The following MFSD6 variants were observed in gnomAD, a reference collection of about 807,000 sequenced individuals.
MFSD6 encodes major facilitator superfamily domain containing 6.
In MFSD6, 26 loss-of-function variants were observed where a neutral mutation model predicts 56.3. The ratio of observed to expected loss-of-function variants is 0.46; its 90% CI spans 0.34 to 0.64. MFSD6 has a LOEUF of 0.64. Ranked by LOEUF, MFSD6 falls within the 30% of genes least tolerant of loss-of-function variation. The pLI, the probability that MFSD6 is intolerant of heterozygous loss-of-function variation, is 0.01. For missense variants in MFSD6, 750 were observed against 986.2 expected (o/e 0.76, Z 3.21); for synonymous variants, 331 against 366.9 (o/e 0.90, Z 1.12).
At position 190,465,042 on chromosome 2, in the gene MFSD6, G is replaced by GA. The variant is rs1238448577; in HGVS notation, c.1533-4709dup. The GA allele has an allele frequency of 6.9e-6, 3 of 435,482 alleles. No homozygotes were observed. The highest frequency in any genetic ancestry group is 9.2e-6 in the Non-Finnish European group (3 of 326,570). 27.0% of individuals were successfully genotyped at this position (435,482 alleles called of 1,614,324 possible). A position where few individuals can be genotyped will look rare whatever the true frequency, so the allele number is the denominator to read the frequency against. ...TTGTATCTATATCTTGAACACTCTTGAAAAAAATACCAGTTTTATTATAAG... is the reference window on the plus strand; with the variant it reads ...TTGTATCTATATCTTGAACACTCTTGAAAAAAAATACCAGTTTTATTATAAG... On this transcript the variant is annotated intron_variant, in intron 3 of 7. Transcript: ENST00000392328. This position sits in a 1 kb window ranked among gnomAD's most constrained non-coding sequence, Gnocchi z 4.6.
Position 190,443,491 on chromosome 2 carries a change from C to T in MFSD6, c.1532+5930C>T, listed in dbSNP as rs1315046742. Among the ~76,000 whole-genome samples, 1 of 152,158 alleles carries T rather than the reference C, an allele frequency of 6.6e-6. No homozygotes were observed. The highest frequency in any genetic ancestry group is 1.5e-5 in the Non-Finnish European group (1 of 68,030). On this transcript the variant is annotated intron_variant, in intron 3 of 7. Coordinates refer to ENST00000392328, the MANE Select transcript of MFSD6 (RefSeq NM_017694.4). This position sits in a 1 kb window ranked among gnomAD's most constrained non-coding sequence, Gnocchi z 4.2. ...TGATATATTATGCTGTTTATAACTA[C>T]AAGACCCATTGAAGTTGATAAAAAT...
At chr2:190,470,230 GA>G (rs1405574722) in intron 4 of MFSD6, among the ~76,000 whole-genome samples, 2 of 152,212 alleles carry the variant, frequency 1.3e-5, no homozygotes, top group East Asian at 1.9e-4. Flanking sequence ...TATAGTTACT[GA>G]AAAAAAGATT....
At chr2:190,414,909 G>A (rs1329239905) in intron 1 of MFSD6, among the ~76,000 whole-genome samples, 3 of 152,100 alleles carry the variant, frequency 2.0e-5, no homozygotes, top group Non-Finnish European at 2.9e-5. Flanking sequence ...AATATAAACT[G>A]TACTATATCG....
Position 190,499,365 on chromosome 2 carries a change from T to C in MFSD6, c.2173-650T>C, listed in dbSNP as rs1297417208. Among the ~76,000 whole-genome samples, 2 of 152,194 alleles carry C rather than the reference T, an allele frequency of 1.3e-5. No individual in the cohort carries two copies. The highest frequency in any genetic ancestry group is 4.8e-5 in the African/African-American group (2 of 41,454). On this transcript the variant is annotated intron_variant, in intron 7 of 7. Transcript: ENST00000392328. This position sits in a 1 kb window ranked among gnomAD's most constrained non-coding sequence, Gnocchi z 6.0. ...GGGAGAATCCATTTAAATTTTTTTT[T>C]ATTTGTACAACCAATATGGCATTTA...
In MFSD6 at chr2:190,502,162, G is replaced by T. The variant is rs775697044; in HGVS notation, c.*1944G>T. 2 of 152,218 alleles carry T rather than the reference G, an allele frequency of 1.3e-5. No individual in the cohort carries two copies. Among genetic ancestry groups the T allele is most frequent in the Non-Finnish European group, 2.9e-5 (2 of 68,032 alleles). 9.4% of individuals were successfully genotyped at this position (152,218 alleles called of 1,614,324 possible). A position where few individuals can be genotyped will look rare whatever the true frequency, so the allele number is the denominator to read the frequency against. ...CCAAATTCAACATGCCTTTGTTATG[G>T]AACATTTACTGTGACAGCAGAATCG... On this transcript the variant is annotated 3_prime_UTR_variant, in exon 8 of 8. Coordinates refer to ENST00000392328, the MANE Select transcript of MFSD6 (RefSeq NM_017694.4). This position sits in a 1 kb window ranked among gnomAD's most constrained non-coding sequence, Gnocchi z 4.4.
In MFSD6 at chr2:190,471,129, T is replaced by C. The variant is rs986917171; in HGVS notation, c.1630+1274T>C. ...GGAGGGTGGAGCCAAGATGGCCGAA[T>C]AGGAACAGCTCCAGTCTACAGGTCT... On this transcript the variant is annotated intron_variant, in intron 4 of 7. Transcript: ENST00000392328. The surrounding 1 kb of genome is among the most constrained non-coding windows in gnomAD (Gnocchi z 4.7). Among the ~76,000 whole-genome samples the C allele has an allele frequency of 2.6e-5, 4 of 152,160 alleles. No individual in the cohort carries two copies. Among genetic ancestry groups the C allele is most frequent in the Non-Finnish European group, 4.4e-5 (3 of 68,030 alleles).
At position 190,500,895 on chromosome 2, in the gene MFSD6, G is replaced by C. The variant is rs1689992463; in HGVS notation, c.*677G>C. On this transcript the variant is annotated 3_prime_UTR_variant, in exon 8 of 8. Transcript: ENST00000392328. The surrounding 1 kb of genome is among the most constrained non-coding windows in gnomAD (Gnocchi z 5.3). ...CAGAAGCTATTATTAACTACTGCAA[G>C]CTAAGCCGAGCTTAAAAATGCCTTT... is the stretch of plus-strand genomic sequence containing the variant. 1 of 152,160 alleles carries C rather than the reference G, an allele frequency of 6.6e-6. No individual in the cohort carries two copies. The highest frequency in any genetic ancestry group is 2.4e-5 in the African/African-American group (1 of 41,444). 9.4% of individuals were successfully genotyped at this position (152,160 alleles called of 1,614,324 possible).
At chr2:190,470,436 G>T (rs557469780) in intron 4 of MFSD6, among the ~76,000 whole-genome samples, 1 of 152,118 alleles carries the variant, frequency 6.6e-6, no homozygotes, top group Admixed American at 6.5e-5. Flanking sequence ...GAAGGCTCTT[G>T]TCATGTAGCT....
Position 190,410,889 on chromosome 2 carries a change from G to A in MFSD6, c.-176+2386G>A, listed in dbSNP as rs1362203246. Among the ~76,000 whole-genome samples, 1 of 151,764 alleles carries A rather than the reference G, an allele frequency of 6.6e-6. No homozygotes were observed. Among genetic ancestry groups the A allele is most frequent in the Non-Finnish European group, 1.5e-5 (1 of 67,940 alleles). On this transcript the variant is annotated intron_variant, in intron 1 of 7. Transcript: ENST00000392328. The surrounding 1 kb of genome is among the most constrained non-coding windows in gnomAD (Gnocchi z 4.4). ...TGGCCAAGATGGTGAAATCCCACCT[G>A]TAATAAAAATACAAAAATTAGCTGA...
rs377197991 is a variant in MFSD6 at position 190,496,683 on chromosome 2, T to TAC, written c.1892-744_1892-743dup. Among the ~76,000 whole-genome samples the TAC allele has an allele frequency of 3.2e-4, 48 of 151,790 alleles. No individual in the cohort carries two copies. The highest frequency in any genetic ancestry group is 1.7e-3 in the South Asian group (8 of 4,810). On this transcript the variant is annotated intron_variant, in intron 6 of 7. Coordinates refer to ENST00000392328, the MANE Select transcript of MFSD6 (RefSeq NM_017694.4). The surrounding 1 kb of genome is among the most constrained non-coding windows in gnomAD (Gnocchi z 4.7). The stretch of plus-strand genomic sequence containing the variant: ...ATGTGTGTGTATGTGTGTGTGTATA[T>TAC]ACACACACACACATATACATACATA...
rs1687556479 is a variant in MFSD6 at position 190,465,489 on chromosome 2, GTAATCTTATGTA to G, written c.1533-4256_1533-4245del. Among the ~76,000 whole-genome samples the G allele has an allele frequency of 2.0e-5, 3 of 151,760 alleles. No individual in the cohort carries two copies. Among genetic ancestry groups the G allele is most frequent in the Admixed American group, 6.6e-5 (1 of 15,232 alleles). On this transcript the variant is annotated intron_variant, in intron 3 of 7. Coordinates refer to ENST00000392328, the MANE Select transcript of MFSD6 (RefSeq NM_017694.4). The surrounding 1 kb of genome is among the most constrained non-coding windows in gnomAD (Gnocchi z 4.6). ...CCATAAGATTACTGATTATACATCAGTAATCTTATGTATAATCTTATGTAAAAAAATTCTAGG... is the reference window on the plus strand; with the variant it reads ...CCATAAGATTACTGATTATACATCAGTAATCTTATGTAAAAAAATTCTAGG...
Position 190,459,908 on chromosome 2 carries a change from C to G in MFSD6, c.1533-9850C>G, listed in dbSNP as rs1453699565. Reference sequence around the variant, plus strand: ...AGCTAAATATTATTTCTAATTCACTCTCTGACATACAATGTGATTCTTATG... The same window carrying G: ...AGCTAAATATTATTTCTAATTCACTGTCTGACATACAATGTGATTCTTATG... On this transcript the variant is annotated intron_variant, in intron 3 of 7. Transcript: ENST00000392328. The surrounding 1 kb of genome is among the most constrained non-coding windows in gnomAD (Gnocchi z 5.3). 6.6e-6 allele frequency among the ~76,000 whole-genome samples: 1 copy of G among 152,238 alleles called. No homozygotes were observed. Among genetic ancestry groups the G allele is most frequent in the Non-Finnish European group, 1.5e-5 (1 of 68,042 alleles).
rs182289386 is a variant in MFSD6, at chr2:190,490,545, C to T, written c.1891+679C>T. Among the ~76,000 whole-genome samples, 5 of 151,046 alleles carry T rather than the reference C, an allele frequency of 3.3e-5. No homozygotes were observed. Among genetic ancestry groups the T allele is most frequent in the Non-Finnish European group, 7.4e-5 (5 of 67,746 alleles). ...ACCACTGCAGTCCAGCCTGGGGGAACGAGCAAGACTCCCTCTCAAAAAAAA... is the reference window on the plus strand; with the variant it reads ...ACCACTGCAGTCCAGCCTGGGGGAATGAGCAAGACTCCCTCTCAAAAAAAA... On this transcript the variant is annotated intron_variant, in intron 6 of 7. Transcript: ENST00000392328. This position sits in a 1 kb window ranked among gnomAD's most constrained non-coding sequence, Gnocchi z 4.5.
At chr2:190,432,647 C>T (rs891059637) in intron 2 of MFSD6, among the ~76,000 whole-genome samples, 1 of 152,140 alleles carries the variant, frequency 6.6e-6, no homozygotes, top group East Asian at 1.9e-4. Context: ...GAACTCCTGA[C>T]CTCAAATGAT....
At chr2:190,408,626 G>T (rs1421843832) in intron 1 of MFSD6, 123 bp downstream of exon 1, 4 of 152,258 alleles carry the variant, frequency 2.6e-5, no homozygotes, top group Admixed American at 6.5e-5. Context: ...GCCGGGAAAG[G>T]GGCTTCGGGG....
At position 190,461,942 on chromosome 2, in the gene MFSD6, A is replaced by G. The variant is rs1687351875; in HGVS notation, c.1533-7816A>G. 6.6e-6 allele frequency among the ~76,000 whole-genome samples: 1 copy of G among 152,142 alleles called. No homozygotes were observed. The highest frequency in any genetic ancestry group is 2.4e-5 in the African/African-American group (1 of 41,420). On this transcript the variant is annotated intron_variant, in intron 3 of 7. Coordinates refer to ENST00000392328, the MANE Select transcript of MFSD6 (RefSeq NM_017694.4). This position sits in a 1 kb window ranked among gnomAD's most constrained non-coding sequence, Gnocchi z 5.5. ...TAAAAATTTAAAGGTTGCCTTTCCC[A>G]TGCCTAATTTGACAGTACTTTTTTC...
Position 190,431,452 on chromosome 2 carries a change from C to T in MFSD6, c.-53-4525C>T, listed in dbSNP as rs1034879787. Among the ~76,000 whole-genome samples, 3 of 152,256 alleles carry T rather than the reference C, an allele frequency of 2.0e-5. No homozygotes were observed. The highest frequency in any genetic ancestry group is 2.1e-4 in the South Asian group (1 of 4,832). ...GTGAACGAGACTCCGTCTGCAATCC[C>T]GGCACCTCTGGAGGCCGAGGCTGGC... is the stretch of plus-strand genomic sequence containing the variant. On this transcript the variant is annotated intron_variant, in intron 2 of 7. Coordinates refer to ENST00000392328, the MANE Select transcript of MFSD6 (RefSeq NM_017694.4). This position sits in a 1 kb window ranked among gnomAD's most constrained non-coding sequence, Gnocchi z 4.4.
At chr2:190,449,473 CAA>C (rs796975460) in intron 3 of MFSD6, among the ~76,000 whole-genome samples, 4 of 141,682 alleles carry the variant, frequency 2.8e-5, no homozygotes, top group African/African-American at 2.6e-5. Flanking sequence ...GACTTCGTCT[CAA>C]AAAAAAAAAA....
At position 190,434,445 on chromosome 2, in the gene MFSD6, T is replaced by G. The variant is rs1229378719; in HGVS notation, c.-53-1532T>G. Among the ~76,000 whole-genome samples the G allele has an allele frequency of 1.3e-5, 2 of 152,184 alleles. No homozygotes were observed. The highest frequency in any genetic ancestry group is 2.9e-5 in the Non-Finnish European group (2 of 68,030). On this transcript the variant is annotated intron_variant, in intron 2 of 7. Transcript: ENST00000392328. This position sits in a 1 kb window ranked among gnomAD's most constrained non-coding sequence, Gnocchi z 4.3. Reference sequence around the variant, plus strand: ...CATTTATTTATTTTATTTTATTTATTTATTTTTTTGAGACGGAGTCTCGCT... The same window carrying G: ...CATTTATTTATTTTATTTTATTTATGTATTTTTTTGAGACGGAGTCTCGCT...
Sources: allele counts gnomAD v4.1 joint callset (sites outside exome capture counted in the v4.1 genomes callset), GRCh38; gene constraint gnomAD v4.1.1; non-coding constraint Gnocchi (gnomAD v3.1); transcripts MANE v1.5; gene names NCBI Gene and HGNC (gene_info 2026-07-23, HGNC 2026-07-21).